Variants in CCDC178 observed in about 807,000 individuals in gnomAD.
CCDC178 encodes coiled-coil domain containing 178.
In CCDC178, 126 loss-of-function variants were observed where a neutral mutation model predicts 117.4. The observed-to-expected ratio is 1.07, with a 90% CI of 0.93 to 1.24. CCDC178 has a LOEUF of 1.24. Among genes scored for constraint, CCDC178 ranks in the 50% most tolerant of loss-of-function variants. CCDC178 has a pLI of 0.00. For synonymous variants in CCDC178, 283 were observed against 313.4 expected (o/e 0.90, Z 1.02); for missense variants, 1,030 against 986.9 (o/e 1.04, Z -0.59).
rs1363409725 is a variant in CCDC178, at chr18:33,254,008, G to A, written c.1410-8580C>T. Among the ~76,000 whole-genome samples the A allele has an allele frequency of 2.0e-5, 3 of 151,714 alleles. No homozygotes were observed. The East Asian group carries it at 5.8e-4, about 29-fold the overall frequency. On this transcript the variant is annotated intron_variant, in intron 14 of 22. Coordinates refer to ENST00000383096, the MANE Select transcript of CCDC178 (RefSeq NM_001105528.4). ...TTAATTAAAATAGTATATAAAGACT[G>A]CATGACTCTTTATAGTGTTCTCTGC...
chr18:33,420,524 T>A (rs2064010253), intron 2 of CCDC178, among the ~76,000 whole-genome samples: 1 of 152,092 alleles, frequency 6.6e-6, no homozygotes, highest in Non-Finnish European at 1.5e-5. Context: ...CGGCTAATTT[T>A]CTGTATTTTT....
chr18:33,113,006 C>T (rs2057804747), intron 20 of CCDC178, among the ~76,000 whole-genome samples: 1 of 151,912 alleles, frequency 6.6e-6, no homozygotes, highest in African/African-American at 2.4e-5. Flanking sequence ...TTTGTTTTTA[C>T]ATAAATAAGG....
At chr18:33,357,842 G>A (rs1599215235) in intron 6 of CCDC178, among the ~76,000 whole-genome samples, 1 of 151,470 alleles carries the variant, frequency 6.6e-6, no homozygotes. Flanking sequence ...ATGCATGTGT[G>A]TGTGTGTGTA....
intron 20 of CCDC178, among the ~76,000 whole-genome samples, chr18:33,176,150 C>G (rs1377897207): frequency 6.6e-6 from 1 of 152,072 alleles, no homozygotes; most frequent in East Asian, 1.9e-4. Flanking sequence ...TTTCATTTTA[C>G]TTTTACTTAT....
intron 14 of CCDC178, among the ~76,000 whole-genome samples, chr18:33,246,626 G>T (rs1289857898): frequency 6.6e-6 from 1 of 151,708 alleles, no homozygotes; most frequent in Non-Finnish European, 1.5e-5. Context: ...TAGAAATGGG[G>T]TCAAAAATCA....
chr18:33,431,548 T>C (rs994493431), intron 2 of CCDC178, among the ~76,000 whole-genome samples: 1 of 152,194 alleles, frequency 6.6e-6, no homozygotes, highest in African/African-American at 2.4e-5. Context: ...TTCTGGTAGA[T>C]ATGAAAATAA....
chr18:33,299,935 A>G (rs1222178103), intron 11 of CCDC178, among the ~76,000 whole-genome samples: 1 of 152,220 alleles, frequency 6.6e-6, no homozygotes, highest in Non-Finnish European at 1.5e-5. Flanking sequence ...AAGACAAAAA[A>G]TAACAAATGC....
At chr18:33,174,408 A>G (rs1176505116) in intron 20 of CCDC178, among the ~76,000 whole-genome samples, 1 of 152,218 alleles carries the variant, frequency 6.6e-6, no homozygotes, top group Non-Finnish European at 1.5e-5. Context: ...AAGTTAAATA[A>G]CAGACACTTG....
chr18:33,395,501 A>T (rs2063623328), intron 4 of CCDC178, among the ~76,000 whole-genome samples: 1 of 152,102 alleles, frequency 6.6e-6, no homozygotes, highest in African/African-American at 2.4e-5. Context: ...TATACACTAA[A>T]TATACAAAAA....
intron 6 of CCDC178, among the ~76,000 whole-genome samples, chr18:33,367,145 T>C (rs1429529317): frequency 1.3e-5 from 2 of 152,038 alleles, no homozygotes; most frequent in Non-Finnish European, 2.9e-5. Context: ...GTGTATATAT[T>C]TATGGGGAAT....
At chr18:33,309,249 TG>T (rs1294902899) in intron 11 of CCDC178, among the ~76,000 whole-genome samples, 1 of 151,802 alleles carries the variant, frequency 6.6e-6, no homozygotes, top group Non-Finnish European at 1.5e-5. Flanking sequence ...TGTGAATCAG[TG>T]GTAAAAATAC....
intron 20 of CCDC178, among the ~76,000 whole-genome samples, chr18:33,211,119 A>T (rs1460843972): frequency 2.0e-5 from 3 of 151,794 alleles, no homozygotes; most frequent in Admixed American, 2.0e-4. Context: ...TGAAGATCAA[A>T]AATAGCTCAT....
chr18:33,398,781 A>G (rs1009526831), intron 3 of CCDC178, among the ~76,000 whole-genome samples: 2 of 152,186 alleles, frequency 1.3e-5, no homozygotes, highest in African/African-American at 4.8e-5. Context: ...TGAGTCATAC[A>G]AAGTGTTTGG....
intron 20 of CCDC178, among the ~76,000 whole-genome samples, chr18:33,130,494 C>T (rs1285532930): frequency 6.6e-6 from 1 of 151,924 alleles, no homozygotes; most frequent in African/African-American, 2.4e-5. Flanking sequence ...AACAAAGCCT[C>T]AGAGAGATAA....
chr18:33,204,113 G>A (rs2059021984), intron 20 of CCDC178, among the ~76,000 whole-genome samples: 1 of 151,990 alleles, frequency 6.6e-6, no homozygotes, highest in African/African-American at 2.4e-5. Flanking sequence ...ATATAGTCCA[G>A]GAATAGTGGT....
chr18:33,424,292 A>G (rs1181229031), intron 2 of CCDC178, among the ~76,000 whole-genome samples: 1 of 152,206 alleles, frequency 6.6e-6, no homozygotes, highest in African/African-American at 2.4e-5. Flanking sequence ...TTCCTAATCT[A>G]TAGAATATTT....
chr18:33,374,631 T>G (rs2063341533), intron 5 of CCDC178, among the ~76,000 whole-genome samples: 1 of 151,726 alleles, frequency 6.6e-6, no homozygotes, highest in African/African-American at 2.4e-5. Flanking sequence ...CTTCTTTATA[T>G]TTCCCCATGA....
chr18:33,215,504 A>T, intron 19 of CCDC178, 46 bp downstream of exon 19: 1 of 1,003,116 alleles, frequency 1.0e-6, no homozygotes, highest in Non-Finnish European at 1.4e-6. Context: ...CTTATTTATT[A>T]ATATTTTTTA....
Position 33,053,138 on chromosome 18 carries a change from G to C in CCDC178, c.2388+39623C>G, listed in dbSNP as rs946732928. 2.0e-5 allele frequency among the ~76,000 whole-genome samples: 3 copies of C among 152,204 alleles called. 1 individual carries two copies. Among genetic ancestry groups the C allele is most frequent in the Admixed American group, 2.0e-4 (3 of 15,274 alleles). ...GCAATGTGACCAAAGCAGGCTGCTA[G>C]TGTTCTGGATGAAAGGATTAAAGCC... On this transcript the variant is annotated intron_variant, in intron 21 of 22. Transcript: ENST00000383096.
Sources: allele counts gnomAD v4.1 joint callset (sites outside exome capture counted in the v4.1 genomes callset), GRCh38; gene constraint gnomAD v4.1.1; transcripts MANE v1.5; gene names NCBI Gene and HGNC (gene_info 2026-07-23, HGNC 2026-07-21).